Variants in TMEM108 observed in about 807,000 individuals in gnomAD.
TMEM108 encodes the protein transmembrane protein 108.
TMEM108 carries 12 observed loss-of-function variants against 35.1 expected under a neutral mutation model. That is an observed-to-expected ratio of 0.34 (90% CI 0.22 to 0.55). TMEM108 has a LOEUF of 0.55. TMEM108 is among the 20% of genes least tolerant of loss of function. The pLI, the probability that TMEM108 is intolerant of heterozygous loss-of-function variation, is 0.89. For missense variants in TMEM108, 680 were observed against 753.3 expected (o/e 0.90, Z 1.14); for synonymous variants, 287 against 308.6 (o/e 0.93, Z 0.73).
intron 3 of TMEM108, chr3:133,378,679 T>G: frequency 4.1e-6 from 1 of 241,822 alleles, no homozygotes; most frequent in Non-Finnish European, 6.7e-6. Flanking sequence ...TTTTTAAAAA[T>G]AGGCACATGC....
chr3:133,259,919 G>T (rs998058592), intron 3 of TMEM108, among the ~76,000 whole-genome samples: 2 of 152,182 alleles, frequency 1.3e-5, no homozygotes, highest in East Asian at 3.9e-4. Context: ...GCTCTTCAGA[G>T]TCCAGATAGG....
chr3:133,039,561 C>T (rs73003612), intron 1 of TMEM108, among the ~76,000 whole-genome samples: 3,320 of 152,212 alleles, frequency 0.022, 105 homozygotes, highest in African/African-American at 0.068. Flanking sequence ...GGAAAGTATT[C>T]CCTGCCTCTC....
intron 2 of TMEM108, among the ~76,000 whole-genome samples, chr3:133,165,114 A>G (rs936583468): frequency 6.6e-6 from 1 of 152,236 alleles, no homozygotes; most frequent in Non-Finnish European, 1.5e-5. Context: ...GAACACCCAG[A>G]AAGACTACAG....
At chr3:133,197,870 A>T (rs1038322708) in intron 2 of TMEM108, among the ~76,000 whole-genome samples, 2 of 152,196 alleles carry the variant, frequency 1.3e-5, no homozygotes, top group African/African-American at 4.8e-5. Flanking sequence ...TCTGTAATCA[A>T]ATGACTGGTC....
chr3:133,090,358 C>T (rs1943933190), intron 2 of TMEM108, among the ~76,000 whole-genome samples: 1 of 152,150 alleles, frequency 6.6e-6, no homozygotes, highest in African/African-American at 2.4e-5. Context: ...CATAACAATT[C>T]TTCAGGAGTC....
At chr3:133,282,722 C>T (rs1946932184) in intron 3 of TMEM108, among the ~76,000 whole-genome samples, 1 of 152,158 alleles carries the variant, frequency 6.6e-6, no homozygotes, top group African/African-American at 2.4e-5. Flanking sequence ...TATTTACTCC[C>T]TGTCTCCATG....
intron 2 of TMEM108, chr3:133,125,276 GCA>G (rs1944401218): frequency 6.6e-6 from 1 of 152,154 alleles, no homozygotes; most frequent in South Asian, 2.1e-4. Flanking sequence ...GGGGGAAAAG[GCA>G]CAGTTGACCA....
intron 3 of TMEM108, among the ~76,000 whole-genome samples, chr3:133,275,756 A>T (rs138730806): frequency 1.1e-4 from 17 of 152,358 alleles, no homozygotes; most frequent in Admixed American, 4.6e-4. Context: ...ACTGAGATAA[A>T]GAAAGACAAT....
At chr3:133,288,719 TAA>T (rs1428175958) in intron 3 of TMEM108, among the ~76,000 whole-genome samples, 6 of 152,182 alleles carry the variant, frequency 3.9e-5, no homozygotes, top group Admixed American at 6.5e-5. Context: ...ATTAATTCAT[TAA>T]GAGGTATTTT....
intron 2 of TMEM108, among the ~76,000 whole-genome samples, chr3:133,127,823 T>G (rs562405028): frequency 1.3e-5 from 2 of 152,340 alleles, no homozygotes; most frequent in East Asian, 3.9e-4. Context: ...ATTAAGATCA[T>G]GTATATCAAG....
At chr3:133,351,016 A>C (rs2071980545) in intron 3 of TMEM108, among the ~76,000 whole-genome samples, 1 of 152,130 alleles carries the variant, frequency 6.6e-6, no homozygotes, top group Non-Finnish European at 1.5e-5. Context: ...ATATTCTCCA[A>C]ATCAGATTTA....
intron 2 of TMEM108, among the ~76,000 whole-genome samples, chr3:133,217,018 A>G (rs1294184137): frequency 6.6e-6 from 1 of 152,110 alleles, no homozygotes; most frequent in Non-Finnish European, 1.5e-5. Context: ...TGTATTCCAT[A>G]ATAGTTGTAC....
At chr3:133,244,324 A>G (rs1946354830) in intron 3 of TMEM108, among the ~76,000 whole-genome samples, 1 of 152,168 alleles carries the variant, frequency 6.6e-6, no homozygotes, top group African/African-American at 2.4e-5. Context: ...TCTCGCTTCC[A>G]TTGCTAGGAC....
At chr3:133,172,202 A>T (rs1945140504) in intron 2 of TMEM108, among the ~76,000 whole-genome samples, 1 of 152,218 alleles carries the variant, frequency 6.6e-6, no homozygotes, top group Non-Finnish European at 1.5e-5. Context: ...TTTCAAGGGC[A>T]TGTAGCTTAC....
chr3:133,231,622 T>C (rs142653128), intron 3 of TMEM108, among the ~76,000 whole-genome samples: 14 of 152,302 alleles, frequency 9.2e-5, no homozygotes, highest in African/African-American at 3.4e-4. Context: ...CATTGTACTA[T>C]CTGAGGAAGT....
rs1038606762 is a variant in TMEM108, at chr3:133,388,546, T to C, written c.1451-1634T>C. The C allele has an allele frequency of 1.4e-5, 14 of 985,110 alleles. No individual in the cohort carries two copies. In the African/African-American group the frequency reaches 2.4e-4, roughly 17 times the overall value. The allele number at this position is 985,110 out of a possible 1,614,324, so 61.0% of individuals were successfully genotyped here. ...GAAAAGTTCTGTACCAGCTAATCTC[T>C]CAAATCCCCGTTAGCCCTAACACTC... On this transcript the variant is annotated intron_variant, in intron 4 of 5. Coordinates refer to ENST00000321871, the MANE Select transcript of TMEM108 (RefSeq NM_023943.4).
intron 2 of TMEM108, among the ~76,000 whole-genome samples, chr3:133,054,367 T>C (rs1377312564): frequency 6.6e-6 from 1 of 152,200 alleles, no homozygotes; most frequent in Non-Finnish European, 1.5e-5. Context: ...TACAGATATC[T>C]TATTTTTTAT....
intron 3 of TMEM108, among the ~76,000 whole-genome samples, chr3:133,252,765 A>T (rs1946489463): frequency 6.6e-6 from 1 of 152,152 alleles, no homozygotes; most frequent in African/African-American, 2.4e-5. Flanking sequence ...CTTATCTGTA[A>T]AGTGGGAGGC....
chr3:133,345,435 A>G (rs1271764034), intron 3 of TMEM108, among the ~76,000 whole-genome samples: 2 of 151,796 alleles, frequency 1.3e-5, no homozygotes, highest in Admixed American at 6.6e-5. Flanking sequence ...CCTAACACCA[A>G]TAGCTCTTAT....
Sources: gnomAD v4.1 joint callset for allele counts (sites outside exome capture counted in the v4.1 genomes callset) on GRCh38, gnomAD v4.1.1 for gene constraint, MANE v1.5 for transcripts, NCBI Gene and HGNC (gene_info 2026-07-23, HGNC 2026-07-21) for gene names.